Variants in EPM2A observed in about 807,000 individuals in gnomAD.
EPM2A encodes EPM2A glucan phosphatase, laforin, also known as laforin.
In EPM2A, 21 loss-of-function variants were observed where a neutral mutation model predicts 26.5. The observed-to-expected ratio is 0.79, with a 90% CI of 0.56 to 1.14. The LOEUF (loss-of-function observed/expected upper bound fraction) is 1.14. EPM2A is among the 50% of genes most tolerant of loss of function. The pLI is 0.00. For missense variants in EPM2A, 458 were observed against 440.8 expected (o/e 1.04, Z -0.35); for synonymous variants, 217 against 177.6 (o/e 1.22, Z -1.76).
At chr6:145,676,493 GT>G (rs958995537) in intron 2 of EPM2A, among the ~76,000 whole-genome samples, 2 of 151,976 alleles carry the variant, frequency 1.3e-5, no homozygotes, top group African/African-American at 2.4e-5. Flanking sequence ...CCAGGAGCTG[GT>G]TTTTTGAAAA....
At chr6:145,718,314 A>G (rs577579047) in intron 1 of EPM2A, among the ~76,000 whole-genome samples, 5 of 146,106 alleles carry the variant, frequency 3.4e-5, no homozygotes, top group Non-Finnish European at 4.5e-5. Flanking sequence ...AAATAACGCC[A>G]CATATCTACA....
At chr6:145,497,866 C>T (rs1779840976), downstream of EPM2A, among the ~76,000 whole-genome samples, 1 of 152,202 alleles carries the variant, frequency 6.6e-6, no homozygotes, top group African/African-American at 2.4e-5. Flanking sequence ...TGCTTCTGCC[C>T]CAGTAGGCTT....
At chr6:145,618,635 G>C (rs1433992730) in intron 2 of EPM2A, among the ~76,000 whole-genome samples, 1 of 152,172 alleles carries the variant, frequency 6.6e-6, no homozygotes, top group Admixed American at 6.5e-5. Context: ...TGAAGAAGGT[G>C]GTGTTTGCTT....
At chr6:145,518,595 C>CAAAAAAAAAA (rs55802475) in intron 2 of EPM2A, among the ~76,000 whole-genome samples, 1 of 102,664 alleles carries the variant, frequency 9.7e-6, no homozygotes, top group Non-Finnish European at 2.0e-5. Context: ...TGAAATGCAC[C>CAAAAAAAAAA]AAAAAAAAAA....
intron 4 of EPM2A, among the ~76,000 whole-genome samples, chr6:145,458,674 C>A (rs1308076720): frequency 6.6e-6 from 1 of 152,074 alleles, no homozygotes; most frequent in Non-Finnish European, 1.5e-5. Context: ...ACAAATTTAT[C>A]CATTGACCTG....
At chr6:145,734,353 TAA>T (rs933167388) in intron 1 of EPM2A, among the ~76,000 whole-genome samples, 1 of 145,442 alleles carries the variant, frequency 6.9e-6, no homozygotes, top group Non-Finnish European at 1.5e-5. Flanking sequence ...ACAATTTTTG[TAA>T]AAAAAAAAAG....
Position 145,626,274 on chromosome 6 carries a change from G to C in EPM2A, c.*1142C>G. On this transcript the variant is annotated 3_prime_UTR_variant, in exon 4 of 4. Transcript: ENST00000367519. ...TTTCCTGTAGAACCTAGGGTGATGAGCTGCATAGTCTGGAGGCACAGGAAC... is the reference window on the plus strand; with the variant it reads ...TTTCCTGTAGAACCTAGGGTGATGACCTGCATAGTCTGGAGGCACAGGAAC... 1.0e-6 allele frequency: 1 copy of C among 988,008 alleles called. No homozygotes were observed. Among genetic ancestry groups the C allele is most frequent in the Non-Finnish European group, 1.2e-6 (1 of 831,466 alleles). 61.2% of individuals were successfully genotyped at this position (988,008 alleles called of 1,614,324 possible). A position where few individuals can be genotyped will look rare whatever the true frequency, so the allele number is the denominator to read the frequency against.
chr6:145,401,164 G>T (rs2065981), intron 4 of EPM2A, among the ~76,000 whole-genome samples: 1 of 151,622 alleles, frequency 6.6e-6, no homozygotes, highest in Non-Finnish European at 1.5e-5. Flanking sequence ...CTATGAAAAC[G>T]GGTAGGGGGA....
At chr6:145,470,411 C>A (rs1167777858) in intron 4 of EPM2A, among the ~76,000 whole-genome samples, 1 of 151,962 alleles carries the variant, frequency 6.6e-6, no homozygotes, top group African/African-American at 2.4e-5. Context: ...AAATATTTTG[C>A]CATTCTAGTA....
In EPM2A at chr6:145,635,263, G is replaced by T. The variant is rs1458986408; in HGVS notation, c.700C>A (p.Pro234Thr). 2 of 1,614,052 alleles carry T rather than the reference G, an allele frequency of 1.2e-6. No homozygotes were observed. Among genetic ancestry groups the T allele is most frequent in the Non-Finnish European group, 1.7e-6 (2 of 1,180,030 alleles). ...TCCTTACCTTCGGTGCTCATATCTG[G>T]TGTTGGCATCCAGATGTAGGCCAAG... ...EGLAYIWMPT[P>T]DMSTEGRVQM... The change falls in exon 3 of 4, where the codon CCA becomes ACA. Residue 234 changes from proline (P) to threonine (T), a missense_variant. Physicochemically the swap from Pro to Thr is conservative, Grantham distance 38 (BLOSUM62 -1). Coordinates refer to ENST00000367519, the MANE Select transcript of EPM2A (RefSeq NM_005670.4).
chr6:145,462,556 A>C (rs1475224842), intron 4 of EPM2A, among the ~76,000 whole-genome samples: 1 of 152,178 alleles, frequency 6.6e-6, no homozygotes, highest in Non-Finnish European at 1.5e-5. Flanking sequence ...AAAAGCAATG[A>C]ATCTTGCTCA....
chr6:145,642,496 G>A (rs1291029409), intron 2 of EPM2A, among the ~76,000 whole-genome samples: 1 of 152,168 alleles, frequency 6.6e-6, no homozygotes, highest in East Asian at 1.9e-4. Flanking sequence ...CAGTAAGCAA[G>A]ACAAAGTATG....
chr6:145,621,480 G>C (rs1418912174), downstream of EPM2A, among the ~76,000 whole-genome samples: 1 of 152,156 alleles, frequency 6.6e-6, no homozygotes, highest in Non-Finnish European at 1.5e-5. Flanking sequence ...GAATTAAATG[G>C]AAGTTATAGG....
chr6:145,723,835 A>G (rs1248836184), intron 1 of EPM2A, among the ~76,000 whole-genome samples: 1 of 152,156 alleles, frequency 6.6e-6, no homozygotes, highest in Non-Finnish European at 1.5e-5. Flanking sequence ...GCAGACAAAG[A>G]AGTCCATAAA....
chr6:145,617,417 G>A (rs1272601692), intron 2 of EPM2A, among the ~76,000 whole-genome samples: 2 of 152,020 alleles, frequency 1.3e-5, no homozygotes, highest in Admixed American at 6.6e-5. Context: ...AATACAAAGA[G>A]GATAGGCTAA....
At chr6:145,672,642 G>A (rs909590053) in intron 2 of EPM2A, among the ~76,000 whole-genome samples, 7 of 152,234 alleles carry the variant, frequency 4.6e-5, no homozygotes, top group Non-Finnish European at 7.3e-5. Context: ...AGCAAAAGAC[G>A]AGGTTTATTC....
intron 1 of EPM2A, among the ~76,000 whole-genome samples, chr6:145,722,095 G>T (rs952357346): frequency 6.6e-6 from 1 of 152,206 alleles, no homozygotes; most frequent in African/African-American, 2.4e-5. Flanking sequence ...GATACGGGGG[G>T]AGATAGAATG....
At chr6:145,563,065 G>A (rs1445750964) in intron 2 of EPM2A, among the ~76,000 whole-genome samples, 2 of 151,774 alleles carry the variant, frequency 1.3e-5, no homozygotes, top group African/African-American at 4.8e-5. Context: ...GCAGACACTC[G>A]AGCTGATCTG....
At chr6:145,560,460 C>A in intron 2 of EPM2A, among the ~76,000 whole-genome samples, 1 of 152,094 alleles carries the variant, frequency 6.6e-6, no homozygotes, top group East Asian at 1.9e-4. Context: ...GAGGTAAACT[C>A]AATTCTGTTT....
Sources: allele counts gnomAD v4.1 joint callset (sites outside exome capture counted in the v4.1 genomes callset), GRCh38; gene constraint gnomAD v4.1.1; transcripts MANE v1.5; gene names NCBI Gene and HGNC (gene_info 2026-07-23, HGNC 2026-07-21).